STAG1: variants seen among roughly 807,000 people sequenced by gnomAD.
STAG1 encodes the protein cohesin subunit SA-1.
In STAG1, 26 loss-of-function variants were observed where a neutral mutation model predicts 170.9. That is an observed-to-expected ratio of 0.15 (90% CI 0.11 to 0.21). The LOEUF is 0.21. STAG1 is among the 10% of genes least tolerant of loss of function. The pLI, the probability that STAG1 is intolerant of heterozygous loss-of-function variation, is 1.00. For synonymous variants in STAG1, 514 were observed against 497.7 expected (o/e 1.03, Z -0.44); for missense variants, 964 against 1,509.5 (o/e 0.64, Z 5.99).
At chr3:136,438,240 C>CTTT (rs371190637) in intron 15 of STAG1, among the ~76,000 whole-genome samples, 19 of 128,200 alleles carry the variant, frequency 1.5e-4, no homozygotes, top group Admixed American at 4.4e-4. Flanking sequence ...AGTTTCTTTT[C>CTTT]TTTTTTTTTT....
chr3:136,633,577 G>A (rs1940417306), intron 1 of STAG1, among the ~76,000 whole-genome samples: 1 of 151,918 alleles, frequency 6.6e-6, no homozygotes, highest in Non-Finnish European at 1.5e-5. Flanking sequence ...GCAGGTGCCT[G>A]CAATCCCAGC....
intron 7 of STAG1, among the ~76,000 whole-genome samples, chr3:136,506,471 A>G (rs936228917): frequency 6.5e-5 from 9 of 138,844 alleles, no homozygotes; most frequent in African/African-American, 2.4e-4. Flanking sequence ...TGTCTACTAA[A>G]AATACAAAAA....
intron 1 of STAG1, among the ~76,000 whole-genome samples, chr3:136,725,279 G>GGTGTGTGTGT (rs10675753): frequency 4.6e-4 from 70 of 150,790 alleles, no homozygotes; most frequent in African/African-American, 1.6e-3. Flanking sequence ...AAATTATACG[G>GGTGTGTGTGT]GTGTGTGTGT....
intron 4 of STAG1, among the ~76,000 whole-genome samples, chr3:136,584,370 T>C (rs1418631509): frequency 6.6e-6 from 1 of 152,186 alleles, no homozygotes; most frequent in Admixed American, 6.5e-5. Context: ...AGTACTTACT[T>C]TTTAGGTACT....
In STAG1 at chr3:136,615,358, A is replaced by G. The variant is rs1939530973; in HGVS notation, c.132+7788T>C. ...AAGATACCCCACACTTTTTCATAAA[A>G]TGGCATTGCCTGTGAGCTGAGATCG... On this transcript the variant is annotated intron_variant, in intron 3 of 33. Coordinates refer to ENST00000383202, the MANE Select transcript of STAG1 (RefSeq NM_005862.3). Among the ~76,000 whole-genome samples, 5 of 142,554 alleles carry G rather than the reference A, an allele frequency of 3.5e-5. No homozygotes were observed. In the South Asian group the frequency reaches 1.1e-3, roughly 33 times the overall value. 93.5% of individuals were successfully genotyped at this position (142,554 alleles called of 152,430 possible).
At chr3:136,661,872 G>C (rs1006185826) in intron 1 of STAG1, among the ~76,000 whole-genome samples, 3 of 152,162 alleles carry the variant, frequency 2.0e-5, no homozygotes, top group African/African-American at 7.2e-5. Flanking sequence ...TTTTACACAA[G>C]GCACAGAAAA....
At chr3:136,702,069 T>C (rs1214039466) in intron 1 of STAG1, among the ~76,000 whole-genome samples, 1 of 123,212 alleles carries the variant, frequency 8.1e-6, no homozygotes, top group African/African-American at 3.4e-5. Flanking sequence ...TGCACCACCA[T>C]GCCGAAAGAG....
intron 1 of STAG1, among the ~76,000 whole-genome samples, chr3:136,714,722 C>T (rs573024804): frequency 3.3e-5 from 5 of 150,140 alleles, no homozygotes; most frequent in Non-Finnish European, 5.9e-5. Context: ...AGCGAGACTC[C>T]GTCTCAAAAA....
chr3:136,657,189 C>CTTTTTTTTT (rs67826395), intron 1 of STAG1, among the ~76,000 whole-genome samples: 97 of 92,250 alleles, frequency 1.1e-3, no homozygotes, highest in Non-Finnish European at 1.5e-3. Flanking sequence ...TTCTTTCTTT[C>CTTTTTTTTT]TTTTTTTTTT....
At chr3:136,571,381 C>T (rs994677985) in intron 4 of STAG1, among the ~76,000 whole-genome samples, 5 of 152,100 alleles carry the variant, frequency 3.3e-5, no homozygotes, top group South Asian at 2.1e-4. Context: ...CAAGCCTGAG[C>T]AGCATGACGA....
chr3:136,391,879 G>C (rs765088575), intron 22 of STAG1, among the ~76,000 whole-genome samples: 1 of 152,172 alleles, frequency 6.6e-6, no homozygotes, highest in Admixed American at 6.5e-5. Context: ...GGAATCAGGG[G>C]AACAGAGGAA....
intron 3 of STAG1, among the ~76,000 whole-genome samples, chr3:136,618,270 T>A (rs898159999): frequency 6.6e-6 from 1 of 152,300 alleles, no homozygotes; most frequent in South Asian, 2.1e-4. Context: ...GGAATTAGTT[T>A]AGCCTGGGTG....
chr3:136,611,015 A>G lies in STAG1; in HGVS notation c.133-6542T>C, dbSNP rs75729496. Among the ~76,000 whole-genome samples, 1,078 of 152,244 alleles carry G rather than the reference A, an allele frequency of 7.1e-3. 19 individuals carry two copies. The highest frequency in any genetic ancestry group is 0.023 in the African/African-American group (973 of 41,540). On this transcript the variant is annotated intron_variant, in intron 3 of 33. Transcript: ENST00000383202. ...ATGCTTGGAACAAGAAGTGTGTCAG[A>G]CTTCCAGTTTTTTCAAATTTTAGAA... is the stretch of plus-strand genomic sequence containing the variant.
At chr3:136,488,987 C>G (rs1157382677) in intron 9 of STAG1, among the ~76,000 whole-genome samples, 3 of 151,676 alleles carry the variant, frequency 2.0e-5, no homozygotes, top group African/African-American at 7.3e-5. Context: ...GCAGGGGGTG[C>G]AAAAAATAGT....
rs557489849 is a variant in STAG1, at chr3:136,578,494, T to C, written c.298-9633A>G. ...TCACCAGTCTCCAGACCTGTCTCAG[T>C]TCACAGACCCAGAGCCCCCTGACTG... On this transcript the variant is annotated intron_variant, in intron 4 of 33. Transcript: ENST00000383202. 2.0e-5 allele frequency among the ~76,000 whole-genome samples: 3 copies of C among 152,336 alleles called. No individual in the cohort carries two copies. In the East Asian group the frequency reaches 5.8e-4, roughly 29 times the overall value.
intron 21 of STAG1, among the ~76,000 whole-genome samples, chr3:136,407,480 G>C (rs2087515853): frequency 6.6e-6 from 1 of 151,424 alleles, no homozygotes; most frequent in Admixed American, 6.6e-5. Context: ...TTATTTTCTT[G>C]AGACAGAGTC....
intron 28 of STAG1, among the ~76,000 whole-genome samples, chr3:136,352,429 G>T (rs574665217): frequency 6.6e-6 from 1 of 152,238 alleles, no homozygotes; most frequent in Admixed American, 6.5e-5. Flanking sequence ...CAAAGTGCTG[G>T]GATTATAGGT....
intron 23 of STAG1, among the ~76,000 whole-genome samples, chr3:136,377,052 C>T (rs1937635784): frequency 6.7e-6 from 1 of 149,978 alleles, no homozygotes; most frequent in South Asian, 2.2e-4. Flanking sequence ...GCTGGGATTA[C>T]AGGCGTGAGC....
At chr3:136,538,088 G>A (rs1444175311) in intron 6 of STAG1, among the ~76,000 whole-genome samples, 1 of 151,970 alleles carries the variant, frequency 6.6e-6, no homozygotes, top group Non-Finnish European at 1.5e-5. Flanking sequence ...ACTGAGTCTT[G>A]AGTTATTAGC....
Sources: gnomAD v4.1 joint callset for allele counts (sites outside exome capture counted in the v4.1 genomes callset) on GRCh38, gnomAD v4.1.1 for gene constraint, MANE v1.5 for transcripts, NCBI Gene and HGNC (gene_info 2026-07-23, HGNC 2026-07-21) for gene names.